Variants in RSPH3 observed in about 807,000 individuals in gnomAD.
The protein encoded by RSPH3 is radial spoke head protein 3 homolog.
Under a neutral mutation model 43.8 loss-of-function variants are expected in RSPH3, and 21 were observed. That is an observed-to-expected ratio of 0.48 (90% confidence interval 0.34 to 0.69). The LOEUF (loss-of-function observed/expected upper bound fraction) is 0.69. Among genes scored for constraint, RSPH3 ranks in the 30% least tolerant of loss-of-function variants. RSPH3 has a pLI of 0.01. For missense variants in RSPH3, 487 were observed against 516.0 expected (o/e 0.94, Z 0.54); for synonymous variants, 173 against 179.8 (o/e 0.96, Z 0.30).
At chr6:158,968,400 A>G (rs563030110), downstream of RSPH3, among the ~76,000 whole-genome samples, 1 of 151,844 alleles carries the variant, frequency 6.6e-6, no homozygotes, top group South Asian at 2.1e-4. Context: ...ATACCTGGCT[A>G]ATTTTGCGTA....
Position 158,977,673 on chromosome 6 carries a change from A to T in RSPH3, c.1122T>A (p.Asp374Glu), listed in dbSNP as rs775347495. Residue 374 changes from aspartate to glutamate, a missense_variant, in exon 8 of 8, where the codon GAT becomes GAA. By Grantham distance (45) the Asp-to-Glu change is conservative. Transcript: ENST00000367069. Reference sequence around the variant, plus strand: ...ATGTTGTTCTTTGTAGGTAGCCTCCATCTAAAAGCAGCTCCCGTGTCTGTG... The same window carrying T: ...ATGTTGTTCTTTGTAGGTAGCCTCCTTCTAAAAGCAGCTCCCGTGTCTGTG... ...SMSQTRELLLDGGYLQRTTYD... is the reference protein window; with the variant it reads ...SMSQTRELLLEGGYLQRTTYD... 1 of 1,614,056 alleles carries T rather than the reference A, an allele frequency of 6.2e-7. No individual in the cohort carries two copies. Among genetic ancestry groups the T allele is most frequent in the Non-Finnish European group, 8.5e-7 (1 of 1,180,012 alleles).
At position 158,974,766 on chromosome 6, in the gene RSPH3, CAA is replaced by C. The variant is rs1405810733; in HGVS notation, c.*2770_*2771del. The C allele has an allele frequency of 5.9e-5, 9 of 151,850 alleles. No individual in the cohort carries two copies. Among genetic ancestry groups the C allele is most frequent in the Non-Finnish European group, 2.9e-5 (2 of 68,002 alleles). The allele number at this position is 151,850 out of a possible 1,614,324, so 9.4% of individuals were successfully genotyped here. A position where few individuals can be genotyped will look rare whatever the true frequency, so the allele number is the denominator to read the frequency against. On this transcript the variant is annotated 3_prime_UTR_variant, in exon 8 of 8. Transcript: ENST00000367069. ...TTATAGAGCATAGGTCTGGCATCTG[CAA>C]AGTGTTTAATGGACTGGATCATTCT...
At chr6:158,980,975 C>G in intron 5 of RSPH3, 39 bp from the exon 6 acceptor site, 1 of 1,603,764 alleles carries the variant, frequency 6.2e-7, no homozygotes, top group Non-Finnish European at 8.5e-7. Flanking sequence ...AGCTCTTATG[C>G]CCTCCCCAAG....
At chr6:158,969,393 G>A (rs1777668906), downstream of RSPH3, among the ~76,000 whole-genome samples, 1 of 152,176 alleles carries the variant, frequency 6.6e-6, no homozygotes, top group Non-Finnish European at 1.5e-5. Context: ...TTATTGAGGA[G>A]CCCATGTACA....
intron 2 of RSPH3, among the ~76,000 whole-genome samples, chr6:158,991,547 G>A (rs1778406298): frequency 6.6e-6 from 1 of 152,018 alleles, no homozygotes; most frequent in African/African-American, 2.4e-5. Flanking sequence ...GCATTGACTA[G>A]CACTGCCTCA....
At chr6:158,991,931 C>T (rs1447787994) in intron 2 of RSPH3, among the ~76,000 whole-genome samples, 3 of 151,974 alleles carry the variant, frequency 2.0e-5, no homozygotes, top group African/African-American at 7.2e-5. Flanking sequence ...TTTGAATACT[C>T]ATACAACCAT....
chr6:158,984,056 C>T (rs901566741), intron 3 of RSPH3, among the ~76,000 whole-genome samples: 1 of 151,948 alleles, frequency 6.6e-6, no homozygotes, highest in Non-Finnish European at 1.5e-5. Context: ...ACTGCTTGAA[C>T]CTGGGAGGTG....
intron 3 of RSPH3, among the ~76,000 whole-genome samples, chr6:158,984,375 A>C (rs1260393153): frequency 6.8e-6 from 1 of 146,004 alleles, no homozygotes; most frequent in Non-Finnish European, 1.5e-5. Flanking sequence ...GAACTAAAGA[A>C]GAACATGAGA....
At chr6:158,971,204 A>G (rs897248394), downstream of RSPH3, among the ~76,000 whole-genome samples, 3 of 152,210 alleles carry the variant, frequency 2.0e-5, no homozygotes, top group Non-Finnish European at 2.9e-5. Flanking sequence ...TTTCAAGGCT[A>G]CTGTGGAGTT....
chr6:158,972,020 G>A (rs1777699394), downstream of RSPH3, among the ~76,000 whole-genome samples: 1 of 151,982 alleles, frequency 6.6e-6, no homozygotes, highest in Non-Finnish European at 1.5e-5. Context: ...AAACTTGGGG[G>A]GGATAAAGAA....
At chr6:158,963,225 G>A in the RSPH3 span, among the ~76,000 whole-genome samples, 4 of 152,178 alleles carry the variant, frequency 2.6e-5, no homozygotes, top group Admixed American at 1.3e-4. Flanking sequence ...AATGTTATAA[G>A]TGATAATTCT....
Position 158,983,651 on chromosome 6 carries a change from A to T in RSPH3, c.492+11T>A. On this transcript the variant is annotated intron_variant, in intron 4 of 7. Transcript: ENST00000367069. The stretch of plus-strand genomic sequence containing the variant: ...AAGATTATAGAGGGAAGCCCAAAGG[A>T]TGTACTGTACCTCTCCTTCTAGTAT... 1 of 1,606,662 alleles carries T rather than the reference A, an allele frequency of 6.2e-7. No individual in the cohort carries two copies. Among genetic ancestry groups the T allele is most frequent in the Middle Eastern group, 1.7e-4 (1 of 6,046 alleles).
rs529335945 is a variant in RSPH3, at chr6:158,986,179, C to T, written c.346+101G>A. On this transcript the variant is annotated intron_variant, in intron 3 of 7. Transcript: ENST00000367069. ...ATGTGATCGGGGAAGTATCAGAGAG[C>T]ACAGGAGAGGCATAAGTAATACAAA... The T allele has an allele frequency of 8.3e-5, 93 of 1,119,076 alleles. 1 individual carries two copies. In the African/African-American group the frequency reaches 1.2e-3, roughly 15 times the overall value. 69.3% of individuals were successfully genotyped at this position (1,119,076 alleles called of 1,614,324 possible).
rs754384051 is a variant in RSPH3, at chr6:158,999,568, C to T, written c.-18G>A. On this transcript the variant is annotated 5_prime_UTR_variant, in exon 1 of 8. Coordinates refer to ENST00000367069, the MANE Select transcript of RSPH3 (RefSeq NM_031924.8). The stretch of plus-strand genomic sequence containing the variant: ...GAGGCCATGTCCGGGGGCTGACTGC[C>T]TCGCTTTCGGTGGAGCTTGGCTTTG... The T allele has an allele frequency of 1.9e-6, 3 of 1,607,314 alleles. No individual in the cohort carries two copies. In the South Asian group the frequency reaches 3.3e-5, roughly 18 times the overall value.
At chr6:158,988,395 G>A (rs12200240) in intron 2 of RSPH3, 20,078 of 152,026 alleles carry the variant, frequency 0.13, 2,045 homozygotes, top group East Asian at 0.42. Flanking sequence ...GTATTCTCTG[G>A]CCTTCCTGTA....
chr6:158,980,727 A>T (rs573071772), intron 6 of RSPH3, 47 bp downstream of exon 6: 1 of 1,436,650 alleles, frequency 7.0e-7, no homozygotes, highest in African/African-American at 1.4e-5. Flanking sequence ...AACCATTAAG[A>T]GGATGCTTAT....
At position 158,999,630 on chromosome 6, in the gene RSPH3, A is replaced by T; in HGVS notation, c.-80T>A. ...CGCTAAGGTGTTGTGGGACCCGGAG[A>T]GATGTAAGTAGTGCCAAGGGCAAGG... is the stretch of plus-strand genomic sequence containing the variant. On this transcript the variant is annotated 5_prime_UTR_variant, in exon 1 of 8. Transcript: ENST00000367069. 2 of 1,613,288 alleles carry T rather than the reference A, an allele frequency of 1.2e-6. No individual in the cohort carries two copies. Among genetic ancestry groups the T allele is most frequent in the South Asian group, 2.2e-5 (2 of 90,998 alleles).
chr6:158,968,971 T>C (rs1160737062), downstream of RSPH3, among the ~76,000 whole-genome samples: 1 of 152,216 alleles, frequency 6.6e-6, no homozygotes, highest in African/African-American at 2.4e-5. Context: ...ATTACATCTT[T>C]ATACATTAGA....
In RSPH3 at chr6:158,989,203, T is replaced by A. The variant is rs371221404; in HGVS notation, c.205-2782A>T. On this transcript the variant is annotated intron_variant, in intron 2 of 7. Coordinates refer to ENST00000367069, the MANE Select transcript of RSPH3 (RefSeq NM_031924.8). This position sits in a 1 kb window ranked among gnomAD's most constrained non-coding sequence, Gnocchi z 4.3. The stretch of plus-strand genomic sequence containing the variant: ...CTGGGATTACAGGTGCCCGCCACCA[T>A]GCCTGGCTAATTTTTGTATTTTTAG... Among the ~76,000 whole-genome samples the A allele has an allele frequency of 1.1e-4, 17 of 152,176 alleles. No homozygotes were observed. The East Asian group carries it at 1.7e-3, about 16-fold the overall frequency.
Sources: allele counts gnomAD v4.1 joint callset (sites outside exome capture counted in the v4.1 genomes callset), GRCh38; gene constraint gnomAD v4.1.1; non-coding constraint Gnocchi (gnomAD v3.1); transcripts MANE v1.5; gene names NCBI Gene and HGNC (gene_info 2026-07-23, HGNC 2026-07-21).